SALL1: variants seen among roughly 807,000 people sequenced by gnomAD.
SALL1 encodes the protein sal-like protein 1.
Under a neutral mutation model 73.1 loss-of-function variants are expected in SALL1, and 10 were observed. That is an observed-to-expected ratio of 0.14 (90% CI 0.08 to 0.23). SALL1 has a LOEUF of 0.23. SALL1 is among the 10% of genes least tolerant of loss of function. The pLI is 1.00. For missense variants in SALL1, 1,520 were observed against 1,697.3 expected (o/e 0.90, Z 1.84); for synonymous variants, 688 against 689.8 (o/e 1.00, Z 0.04).
Position 51,138,820 on chromosome 16 carries a change from G to A in SALL1, c.3402C>T (p.His1134=), listed in dbSNP as rs756177521. 5 of 1,614,244 alleles carry A rather than the reference G, an allele frequency of 3.1e-6. 1 individual carries two copies. The highest frequency in any genetic ancestry group is 2.2e-5 in the South Asian group (2 of 91,084). Reference sequence around the variant, plus strand: ...AGGTTTTGCCACATGTGTTGCAGTAGTGCTGCTTGGGAGTTCTCCTGGGCA... The same window carrying A: ...AGGTTTTGCCACATGTGTTGCAGTAATGCTGCTTGGGAGTTCTCCTGGGCA... ...PALPRRTPKQ[H]YCNTCGKTFS... Residue 1134 remains histidine, a synonymous_variant, in exon 2 of 3, where the codon CAC becomes CAT. Transcript: ENST00000251020.
In SALL1 at chr16:51,140,519, G is replaced by C; in HGVS notation, c.1703C>G (p.Pro568Arg). Residue 568 changes from proline (P) to arginine (R), a missense_variant, in exon 2 of 3, where the codon CCC (proline) becomes CGC (arginine). This residue lies in a region of SALL1 where 276 missense variants were observed against 259.1 expected (regional missense o/e 1.07). Transcript: ENST00000251020. This position sits in a 1 kb window ranked among gnomAD's most constrained non-coding sequence, Gnocchi z 5.7. Reference sequence around the variant, plus strand: ...GGCTGGCTCTTCCGTCTTGATGAAGGGTATGAGGCTTGGGAGGGTTGGGGG... The same window carrying C: ...GGCTGGCTCTTCCGTCTTGATGAAGCGTATGAGGCTTGGGAGGGTTGGGGG... ...PLPPTLPSLI[P>R]FIKTEEPAPI... The C allele has an allele frequency of 1.2e-6, 2 of 1,614,016 alleles. No individual in the cohort carries two copies. Among genetic ancestry groups the C allele is most frequent in the Non-Finnish European group, 1.7e-6 (2 of 1,179,946 alleles).
chr16:51,145,980 TTTTTTTTTTTTTTCTTTTTC>T (rs1962512048), intron 1 of SALL1, among the ~76,000 whole-genome samples: 1 of 68,102 alleles, frequency 1.5e-5, no homozygotes. Context: ...TTGATTGGTC[TTTTTTTTTTTTTTCTTTTTC>T]TTTTTTTTTT....
intron 1 of SALL1, among the ~76,000 whole-genome samples, chr16:51,146,357 T>C (rs1208529894): frequency 6.6e-6 from 1 of 152,190 alleles, no homozygotes; most frequent in Non-Finnish European, 1.5e-5. Context: ...TGAATCAAAC[T>C]GAACACTAGA....
chr16:51,151,932 CA>C (rs1425637101), upstream of SALL1, among the ~76,000 whole-genome samples: 9 of 151,522 alleles, frequency 5.9e-5, no homozygotes, highest in South Asian at 2.1e-4. Flanking sequence ...GCGGCGGGAT[CA>C]GGGGGGAGGG....
intron 1 of SALL1, chr16:51,150,861 C>A: frequency 3.3e-6 from 1 of 304,724 alleles, no homozygotes; most frequent in Non-Finnish European, 6.0e-6. Flanking sequence ...CTGGGATCCC[C>A]GGAAAAGCAG....
chr16:51,137,655 A>C, intron 2 of SALL1, 103 bp from the exon 3 acceptor site: 1 of 866,612 alleles, frequency 1.2e-6, no homozygotes, highest in Non-Finnish European at 1.8e-6. Context: ...CTCATATCCC[A>C]AATGTCCACA....
At chr16:51,145,173 TACACAC>T (rs1438243390) in intron 1 of SALL1, among the ~76,000 whole-genome samples, 2 of 146,882 alleles carry the variant, frequency 1.4e-5, no homozygotes, top group Non-Finnish European at 3.0e-5. Flanking sequence ...TGTAGTAAGA[TACACAC>T]ACACACATAC....
rs771341159 is a variant in SALL1 at position 51,138,925 on chromosome 16, G to A, written c.3297C>T (p.Asp1099=). The change falls in exon 2 of 3, where the codon GAC becomes GAT. Residue 1099 remains aspartate, a synonymous_variant. Transcript: ENST00000251020. ...CGTGACTGGTGGGGGTGTCCTTACT[G>A]TCCTGAGGAGAAACATGCACGAAGC... ...VNGFVHVSPQ[D]SKDTPTSHVP... is the part of the protein sequence containing the mutation. 1.2e-6 allele frequency: 2 copies of A among 1,614,184 alleles called. No individual in the cohort carries two copies. The highest frequency in any genetic ancestry group is 1.7e-6 in the Non-Finnish European group (2 of 1,180,036).
At chr16:51,146,353 A>T (rs1246673806) in intron 1 of SALL1, among the ~76,000 whole-genome samples, 1 of 152,196 alleles carries the variant, frequency 6.6e-6, no homozygotes, top group African/African-American at 2.4e-5. Context: ...TGGATGAATC[A>T]AACTGAACAC....
intron 1 of SALL1, among the ~76,000 whole-genome samples, chr16:51,144,836 C>T (rs1446224212): frequency 3.3e-5 from 5 of 152,020 alleles, no homozygotes; most frequent in Non-Finnish European, 7.4e-5. Flanking sequence ...AATGCAAATG[C>T]CTGCTTGCTT....
At chr16:51,142,778 A>G (rs941763748) in intron 1 of SALL1, among the ~76,000 whole-genome samples, 2 of 152,210 alleles carry the variant, frequency 1.3e-5, no homozygotes, top group Non-Finnish European at 2.9e-5. Context: ...CTCAAAACTC[A>G]CTTGAACACA....
In SALL1 at chr16:51,139,865, C is replaced by T. The variant is rs573234592; in HGVS notation, c.2357G>A (p.Arg786Gln). The part of the protein sequence containing the change: ...TNAVVLQQHI[R>Q]MHMGGQIPNT... ...GGGGATCTGGCCTCCCATATGCATT[C>T]GGATGTGCTGCTGCAGGACCACAGC... Residue 786 changes from arginine (R) to glutamine (Q), a missense_variant, in exon 2 of 3, where the codon CGA becomes CAA. Coordinates refer to ENST00000251020, the MANE Select transcript of SALL1 (RefSeq NM_002968.3). The T allele has an allele frequency of 5.6e-6, 9 of 1,614,166 alleles. No homozygotes were observed. The highest frequency in any genetic ancestry group is 1.7e-5 in the Admixed American group (1 of 60,024).
intron 1 of SALL1, among the ~76,000 whole-genome samples, chr16:51,144,537 A>G (rs761548455): frequency 2.0e-5 from 3 of 152,226 alleles, no homozygotes; most frequent in African/African-American, 4.8e-5. Context: ...GACTTCATCA[A>G]TTGTACACAT....
At chr16:51,150,935 A>C in intron 1 of SALL1, 2 of 400,410 alleles carry the variant, frequency 5.0e-6, no homozygotes, top group Non-Finnish European at 8.9e-6. Flanking sequence ...CAACTCCGGA[A>C]AGATCCTGCC....
In SALL1 at chr16:51,140,267, G is replaced by A. The variant is rs770994694; in HGVS notation, c.1955C>T (p.Ala652Val). ...GTTGGTGAAGGTGGTGGCACTGCCC[G>A]CGGGGCCGCAGTCTGCCGCTGGGGA... ...LSSPAADCGPAGSATTFTNPL... is the reference protein window; with the variant it reads ...LSSPAADCGPVGSATTFTNPL... The change falls in exon 2 of 3, where the codon GCG (alanine) becomes GTG (valine). Residue 652 changes from alanine (A) to valine (V), a missense_variant. Ala to Val is a moderately conservative substitution (Grantham distance 64). Around this residue, in one of 7 missense-constraint regions of SALL1, gnomAD observed 276 missense variants for 259.1 expected, o/e 1.07. Transcript: ENST00000251020. The surrounding 1 kb of genome is among the most constrained non-coding windows in gnomAD (Gnocchi z 5.7). 7.4e-6 allele frequency: 12 copies of A among 1,613,994 alleles called. No homozygotes were observed. The East Asian group carries it at 1.1e-4, about 15-fold the overall frequency.
In SALL1 at chr16:51,141,119, G is replaced by A; in HGVS notation, c.1103C>T (p.Pro368Leu). Residue 368 changes from proline to leucine, a missense_variant, in exon 2 of 3, where the codon CCA (proline) becomes CTA (leucine). This residue lies in a region of SALL1 where 540 missense variants were observed against 567.5 expected (regional missense o/e 0.95). Coordinates refer to ENST00000251020, the MANE Select transcript of SALL1 (RefSeq NM_002968.3). This position sits in a 1 kb window ranked among gnomAD's most constrained non-coding sequence, Gnocchi z 5.4. ...SSAGASHVSNPAVSSSSSPAF... is the reference protein window; with the variant it reads ...SSAGASHVSNLAVSSSSSPAF... Reference sequence around the variant, plus strand: ...TGGTGAGGACGATGATGAGACCGCTGGGTTGCTGACATGGGAGGCCCCAGC... The same window carrying A: ...TGGTGAGGACGATGATGAGACCGCTAGGTTGCTGACATGGGAGGCCCCAGC... 1.2e-6 allele frequency: 2 copies of A among 1,614,204 alleles called. No individual in the cohort carries two copies. Among genetic ancestry groups the A allele is most frequent in the Non-Finnish European group, 1.7e-6 (2 of 1,180,030 alleles).
chr16:51,140,251 G>A lies in SALL1; in HGVS notation c.1971C>T (p.Thr657=). ...TGAGCGGCAACAAAGGGTTGGTGAA[G>A]GTGGTGGCACTGCCCGCGGGGCCGC... The part of the protein sequence containing the change: ...ADCGPAGSAT[T]FTNPLLPLMS... The change falls in exon 2 of 3, where the codon ACC becomes ACT. Residue 657 remains threonine (T), a synonymous_variant. Transcript: ENST00000251020. The surrounding 1 kb of genome is among the most constrained non-coding windows in gnomAD (Gnocchi z 5.7). 2 of 1,614,202 alleles carry A rather than the reference G, an allele frequency of 1.2e-6. No homozygotes were observed. Among genetic ancestry groups the A allele is most frequent in the South Asian group, 2.2e-5 (2 of 91,080 alleles).
rs3743768 is a variant in SALL1 at position 51,137,376 on chromosome 16, A to G, written c.3711T>C (p.Tyr1237=). 9.7e-5 allele frequency: 157 copies of G among 1,614,174 alleles called. 1 individual carries two copies. The East Asian group carries it at 3.4e-3, about 35-fold the overall frequency. ...CCAGCCCGTTGGAGAGCGCTGCTGC[A>G]TACTGATTCCAGAAGCTGGAAGGAT... ...SGDPSSFWNQ[Y]AAALSNGLAM... The change falls in exon 3 of 3, where the codon TAT becomes TAC. Residue 1237 remains tyrosine, a synonymous_variant. Coordinates refer to ENST00000251020, the MANE Select transcript of SALL1 (RefSeq NM_002968.3).
Position 51,136,637 on chromosome 16 carries a change from CA to C in SALL1, c.*474del, listed in dbSNP as rs1360839433. 1 of 164,622 alleles carries C rather than the reference CA, an allele frequency of 6.1e-6. No individual in the cohort carries two copies. The highest frequency in any genetic ancestry group is 1.3e-5 in the Non-Finnish European group (1 of 75,274). 10.2% of individuals were successfully genotyped at this position (164,622 alleles called of 1,614,324 possible). On this transcript the variant is annotated 3_prime_UTR_variant, in exon 3 of 3. Coordinates refer to ENST00000251020, the MANE Select transcript of SALL1 (RefSeq NM_002968.3). ...CTTAAATCTGTTTTGAAAGATTAGACAATGTGTTTGCTGATAAAATTTTCCA... is the reference window on the plus strand; with the variant it reads ...CTTAAATCTGTTTTGAAAGATTAGACATGTGTTTGCTGATAAAATTTTCCA...
Sources: allele counts gnomAD v4.1 joint callset (sites outside exome capture counted in the v4.1 genomes callset), GRCh38; gene constraint gnomAD v4.1.1; regional missense constraint gnomAD v4.1.1; non-coding constraint Gnocchi (gnomAD v3.1); transcripts MANE v1.5; gene names NCBI Gene and HGNC (gene_info 2026-07-23, HGNC 2026-07-21).